Variants in KCNB2 observed in about 807,000 individuals in gnomAD.
KCNB2 encodes potassium voltage-gated channel subfamily B member 2.
A neutral mutation model predicts 61.5 loss-of-function variants in KCNB2; 15 were observed. The ratio of observed to expected loss-of-function variants is 0.24; its 90% CI spans 0.16 to 0.38. The LOEUF (loss-of-function observed/expected upper bound fraction) is 0.38, where lower values mean the gene tolerates loss of function less well. Among genes scored for constraint, KCNB2 ranks in the 10% least tolerant of loss-of-function variants. The pLI, the probability that KCNB2 is intolerant of heterozygous loss-of-function variation, is 1.00. For missense variants in KCNB2, 828 were observed against 1,125.2 expected, an observed-to-expected ratio of 0.74 and a Z score of 3.78; for synonymous variants, 457 against 446.0, an observed-to-expected ratio of 1.02 and a Z score of -0.31.
chr8:72,759,361 T>C (rs73313510), intron 2 of KCNB2, among the ~76,000 whole-genome samples: 4,003 of 152,306 alleles, frequency 0.026, 61 homozygotes, highest in African/African-American at 0.037. Flanking sequence ...TGGGAATTTA[T>C]GATAAAAACC....
At chr8:72,663,006 G>A (rs1369780821) in intron 2 of KCNB2, among the ~76,000 whole-genome samples, 1 of 152,104 alleles carries the variant, frequency 6.6e-6, no homozygotes, top group Non-Finnish European at 1.5e-5. Flanking sequence ...GGCCACCTGA[G>A]CTCCTCCCTA....
intron 1 of KCNB2, among the ~76,000 whole-genome samples, chr8:72,566,409 G>A (rs1342792776): frequency 1.3e-5 from 2 of 152,098 alleles, no homozygotes; most frequent in Non-Finnish European, 2.9e-5. Flanking sequence ...TATTAGAAGT[G>A]TAGGCAAGGG....
intron 2 of KCNB2, among the ~76,000 whole-genome samples, chr8:72,583,966 C>A (rs866338930): frequency 0.024 from 2,460 of 104,634 alleles, 57 homozygotes; most frequent in African/African-American, 0.07. Context: ...AAAAAAAAAA[C>A]AAACAAAACC....
At chr8:72,780,044 A>T (rs895283504) in intron 2 of KCNB2, among the ~76,000 whole-genome samples, 1 of 152,176 alleles carries the variant, frequency 6.6e-6, no homozygotes, top group African/African-American at 2.4e-5. Flanking sequence ...CTGCCTTTTC[A>T]CTATAAATCA....
chr8:72,792,367 T>C (rs1477926855), intron 2 of KCNB2, among the ~76,000 whole-genome samples: 2 of 152,250 alleles, frequency 1.3e-5, no homozygotes, highest in African/African-American at 4.8e-5. Context: ...TTTGTGACTT[T>C]GTAAGCTAAG....
intron 2 of KCNB2, among the ~76,000 whole-genome samples, chr8:72,822,010 A>G (rs1350253984): frequency 6.6e-6 from 1 of 152,026 alleles, no homozygotes; most frequent in Non-Finnish European, 1.5e-5. Context: ...CCCCACTACC[A>G]CCACCAACAG....
chr8:72,650,963 T>C (rs1806202212), intron 2 of KCNB2, among the ~76,000 whole-genome samples: 1 of 152,174 alleles, frequency 6.6e-6, no homozygotes, highest in South Asian at 2.1e-4. Context: ...TGGAAACCTC[T>C]AGATAGCTTT....
At chr8:72,612,836 T>C (rs1355506325) in intron 2 of KCNB2, among the ~76,000 whole-genome samples, 1 of 152,206 alleles carries the variant, frequency 6.6e-6, no homozygotes, top group Non-Finnish European at 1.5e-5. Context: ...TAATATAAAG[T>C]ACAGCATGAG....
chr8:72,902,436 G>T (rs1806106496), intron 2 of KCNB2, among the ~76,000 whole-genome samples: 1 of 152,010 alleles, frequency 6.6e-6, no homozygotes, highest in Non-Finnish European at 1.5e-5. Context: ...GGGTCCTGGT[G>T]GGGAAATGGA....
chr8:72,793,288 A>C (rs1347498409), intron 2 of KCNB2, among the ~76,000 whole-genome samples: 1 of 152,216 alleles, frequency 6.6e-6, no homozygotes, highest in Admixed American at 6.5e-5. Flanking sequence ...GGAAGAAAAA[A>C]ACAAGTGTGT....
intron 2 of KCNB2, among the ~76,000 whole-genome samples, chr8:72,628,358 T>G (rs1805824718): frequency 6.6e-6 from 1 of 151,902 alleles, no homozygotes; most frequent in Non-Finnish European, 1.5e-5. Context: ...ATTGCAGAAC[T>G]GACTTTATTG....
intron 2 of KCNB2, among the ~76,000 whole-genome samples, chr8:72,608,618 G>A (rs1444579684): frequency 6.6e-6 from 1 of 152,132 alleles, no homozygotes; most frequent in Non-Finnish European, 1.5e-5. Flanking sequence ...GAAGGAGCTA[G>A]CCTCGGGGTA....
chr8:72,603,928 A>G (rs746762224), intron 2 of KCNB2, among the ~76,000 whole-genome samples: 4 of 152,162 alleles, frequency 2.6e-5, no homozygotes, highest in Non-Finnish European at 5.9e-5. Flanking sequence ...TTGTGGTGAT[A>G]CCAGAATATT....
intron 2 of KCNB2, among the ~76,000 whole-genome samples, chr8:72,894,834 C>T (rs1414050543): frequency 6.6e-6 from 1 of 152,084 alleles, no homozygotes; most frequent in Non-Finnish European, 1.5e-5. Flanking sequence ...TATTTTAGAC[C>T]ATCTGGACAT....
chr8:72,751,620 C>T (rs1310430511), intron 2 of KCNB2: 1 of 152,142 alleles, frequency 6.6e-6, no homozygotes, highest in African/African-American at 2.4e-5. Flanking sequence ...CTTGGTTCCC[C>T]TAAAAATATA....
chr8:72,743,173 A>G (rs1467700841), intron 2 of KCNB2, among the ~76,000 whole-genome samples: 1 of 152,262 alleles, frequency 6.6e-6, no homozygotes, highest in African/African-American at 2.4e-5. Flanking sequence ...ATATAAAATG[A>G]GGACCTTGAA....
At chr8:72,914,723 A>G (rs1237540883) in intron 2 of KCNB2, among the ~76,000 whole-genome samples, 1 of 152,232 alleles carries the variant, frequency 6.6e-6, no homozygotes, top group Non-Finnish European at 1.5e-5. Context: ...TCAGCCAACT[A>G]TTGAGATACA....
intron 2 of KCNB2, among the ~76,000 whole-genome samples, chr8:72,871,526 A>G (rs991096868): frequency 6.6e-6 from 1 of 152,238 alleles, no homozygotes; most frequent in Non-Finnish European, 1.5e-5. Flanking sequence ...CAAGATACAC[A>G]TTACTTGTAG....
intron 2 of KCNB2, among the ~76,000 whole-genome samples, chr8:72,755,248 G>A (rs1009391208): frequency 6.6e-6 from 1 of 152,146 alleles, no homozygotes; most frequent in Non-Finnish European, 1.5e-5. Flanking sequence ...ATGACTAAAG[G>A]TACTGTGGTA....
Sources: allele counts gnomAD v4.1 joint callset (sites outside exome capture counted in the v4.1 genomes callset), GRCh38; gene constraint gnomAD v4.1.1; transcripts MANE v1.5; gene names NCBI Gene and HGNC (gene_info 2026-07-23, HGNC 2026-07-21).